Variants in PEAK1 observed in about 807,000 individuals in gnomAD.
The protein encoded by PEAK1 is pseudopodium enriched atypical kinase 1.
In PEAK1, 54 loss-of-function variants were observed where a neutral mutation model predicts 124.7. The ratio of observed to expected loss-of-function variants is 0.43; its 90% CI spans 0.35 to 0.54. The LOEUF is 0.54. Ranked by LOEUF, PEAK1 falls within the 20% of genes least tolerant of loss-of-function variation. PEAK1 has a pLI of 0.01. For synonymous variants in PEAK1, 719 were observed against 760.0 expected, an observed-to-expected ratio of 0.95 and a Z score of 0.89; for missense variants, 2,046 against 2,134.5, an observed-to-expected ratio of 0.96 and a Z score of 0.82.
chr15:77,408,154 T>TATACAC (rs1555504227), intron 1 of PEAK1, among the ~76,000 whole-genome samples: 26,803 of 144,142 alleles, frequency 0.19, 2,874 homozygotes, highest in Middle Eastern at 0.25. Context: ...CATATATACA[T>TATACAC]ACACACACAC....
chr15:77,306,489 T>C (rs552112646), intron 2 of PEAK1, among the ~76,000 whole-genome samples: 203 of 152,286 alleles, frequency 1.3e-3, no homozygotes, highest in African/African-American at 4.6e-3. Flanking sequence ...AGAATTAAAG[T>C]GTATTTCTAG....
At position 77,419,349 on chromosome 15, in the gene PEAK1, G is replaced by A. The variant is rs889746191; in HGVS notation, c.-666+657C>T. The A allele has an allele frequency of 3.0e-6, 3 of 985,162 alleles. No individual in the cohort carries two copies. The South Asian group carries it at 1.4e-4, about 46-fold the overall frequency. The allele number at this position is 985,162 out of a possible 1,614,324, so 61.0% of individuals were successfully genotyped here. ...TTCAGACGGCAAGTCCCCATCGAAGGAGGAAAGAAAAGTTGCAAGAACGGA... is the reference window on the plus strand; with the variant it reads ...TTCAGACGGCAAGTCCCCATCGAAGAAGGAAAGAAAAGTTGCAAGAACGGA... On this transcript the variant is annotated intron_variant, in intron 1 of 9. Transcript: ENST00000682557.
intron 5 of PEAK1, among the ~76,000 whole-genome samples, chr15:77,258,058 G>C (rs1450545267): frequency 1.3e-5 from 2 of 152,158 alleles, no homozygotes; most frequent in African/African-American, 2.4e-5. Flanking sequence ...TGTCATTTCT[G>C]AGGGCTCTGT....
chr15:77,276,502 G>A (rs1490340374), intron 5 of PEAK1, among the ~76,000 whole-genome samples: 1 of 151,902 alleles, frequency 6.6e-6, no homozygotes, highest in Non-Finnish European at 1.5e-5. Context: ...AAAATATCCT[G>A]CAGAAATGAA....
intron 6 of PEAK1, among the ~76,000 whole-genome samples, chr15:77,183,061 C>G (rs1419947659): frequency 6.6e-6 from 1 of 152,104 alleles, no homozygotes; most frequent in Non-Finnish European, 1.5e-5. Flanking sequence ...AGCCCAGAGG[C>G]CAAATGTAGC....
intron 6 of PEAK1, among the ~76,000 whole-genome samples, chr15:77,195,464 G>C (rs2058055363): frequency 6.6e-6 from 1 of 152,200 alleles, no homozygotes; most frequent in South Asian, 2.1e-4. Flanking sequence ...AAGGTAGGAG[G>C]ACAATCAAGA....
chr15:77,392,524 G>A (rs765096057), intron 1 of PEAK1, among the ~76,000 whole-genome samples: 5 of 152,124 alleles, frequency 3.3e-5, no homozygotes, highest in Non-Finnish European at 7.3e-5. Context: ...ATGGCCCAAA[G>A]ATTAATATGC....
intron 6 of PEAK1, among the ~76,000 whole-genome samples, chr15:77,185,907 C>A (rs1346905258): frequency 6.6e-6 from 1 of 152,060 alleles, no homozygotes; most frequent in Non-Finnish European, 1.5e-5. Context: ...ACAAAGGAAT[C>A]GAAGCCTAGA....
chr15:77,133,314 G>T lies in PEAK1; in HGVS notation c.3768C>A (p.Ser1256Arg). The change falls in exon 9 of 10, where the codon AGC becomes AGA. Residue 1256 changes from serine (S) to arginine (R), a missense_variant. Ser to Arg is a moderately radical substitution (Grantham distance 110, BLOSUM62 -1). Coordinates refer to ENST00000682557, the MANE Select transcript of PEAK1 (RefSeq NM_001385026.1). This position sits in a 1 kb window ranked among gnomAD's most constrained non-coding sequence, Gnocchi z 4.2. ...RFSNSMESLS[S>R]RRGPSCRQGR... ...CCTGTCTGCAAGAGGGCCCACGCCG[G>T]CTGGAGAGGGATTCCATGCTGTTGG... The T allele has an allele frequency of 6.2e-7, 1 of 1,614,246 alleles. No individual in the cohort carries two copies. Among genetic ancestry groups the T allele is most frequent in the Non-Finnish European group, 8.5e-7 (1 of 1,180,038 alleles).
intron 6 of PEAK1, among the ~76,000 whole-genome samples, chr15:77,234,820 TA>T (rs556774818): frequency 3.4e-4 from 51 of 152,100 alleles, no homozygotes; most frequent in Non-Finnish European, 6.0e-4. Context: ...AAAATATATA[TA>T]TTTTTTTGAG....
rs753159673 is a variant in PEAK1, at chr15:77,179,262, G to A, written c.2665C>T (p.His889Tyr). 10 of 1,614,020 alleles carry A rather than the reference G, an allele frequency of 6.2e-6. No individual in the cohort carries two copies. Among genetic ancestry groups the A allele is most frequent in the Non-Finnish European group, 6.8e-6 (8 of 1,180,032 alleles). Residue 889 changes from histidine (H) to tyrosine (Y), a missense_variant, in exon 7 of 10, where the codon CAT (histidine) becomes TAT (tyrosine). His to Tyr is a moderately conservative substitution (Grantham distance 83). Transcript: ENST00000682557. ...GTTGGCTTGGTCCAGTTGGTGAAAT[G>A]CCTCTGCAAAAGGTTACCTGCATGG... is the stretch of plus-strand genomic sequence containing the variant. ...PYHAGNLLQR[H>Y]FTNWTKPTSP...
intron 6 of PEAK1, among the ~76,000 whole-genome samples, chr15:77,245,994 TA>T (rs1355110769): frequency 2.0e-5 from 3 of 151,372 alleles, no homozygotes; most frequent in Admixed American, 1.3e-4. Flanking sequence ...TCGACTCCTA[TA>T]AAAAAATACC....
At chr15:77,139,304 C>G (rs1228169607) in intron 8 of PEAK1, among the ~76,000 whole-genome samples, 2 of 152,136 alleles carry the variant, frequency 1.3e-5, no homozygotes, top group Non-Finnish European at 2.9e-5. Flanking sequence ...ATGCCTGAGG[C>G]TGTTTTACAG....
rs1240887483 is a variant in PEAK1 at position 77,112,099 on chromosome 15, A to G, written c.*2057T>C. The G allele has an allele frequency of 6.6e-6, 1 of 152,214 alleles. No homozygotes were observed. Among genetic ancestry groups the G allele is most frequent in the Non-Finnish European group, 1.5e-5 (1 of 68,048 alleles). The allele number at this position is 152,214 out of a possible 1,614,324, so 9.4% of individuals were successfully genotyped here. A position where few individuals can be genotyped will look rare whatever the true frequency, so the allele number is the denominator to read the frequency against. ...GCAGCAGCATGCCCACTCCATGGCC[A>G]TTCCTAGGAGCAGAGCCCTGCACTC... On this transcript the variant is annotated 3_prime_UTR_variant, in exon 10 of 10. Transcript: ENST00000682557.
intron 5 of PEAK1, among the ~76,000 whole-genome samples, chr15:77,275,854 C>T (rs925277706): frequency 2.2e-4 from 34 of 151,664 alleles, no homozygotes; most frequent in South Asian, 2.1e-4. Context: ...ATTACCAACA[C>T]GTTGGAAACA....
chr15:77,196,630 A>G (rs1045894533), intron 6 of PEAK1, among the ~76,000 whole-genome samples: 19 of 152,156 alleles, frequency 1.2e-4, no homozygotes, highest in African/African-American at 4.6e-4. Flanking sequence ...ATGCATGTTA[A>G]CTGGTATACA....
intron 6 of PEAK1, among the ~76,000 whole-genome samples, chr15:77,203,874 G>C (rs2058495225): frequency 6.6e-6 from 1 of 152,122 alleles, no homozygotes; most frequent in African/African-American, 2.4e-5. Flanking sequence ...TTTTAGATTT[G>C]ACACCAAAGG....
intron 2 of PEAK1, among the ~76,000 whole-genome samples, chr15:77,364,060 A>G (rs1332951569): frequency 6.6e-6 from 1 of 151,976 alleles, no homozygotes; most frequent in Non-Finnish European, 1.5e-5. Flanking sequence ...TTAGCCAGGC[A>G]TGGTGGCACA....
intron 2 of PEAK1, among the ~76,000 whole-genome samples, chr15:77,300,873 A>G (rs1567230078): frequency 6.6e-6 from 1 of 151,804 alleles, no homozygotes; most frequent in Admixed American, 6.6e-5. Context: ...TTATTTTGAG[A>G]TGGAGTCTCC....
Sources: gnomAD v4.1 joint callset for allele counts (sites outside exome capture counted in the v4.1 genomes callset) on GRCh38, gnomAD v4.1.1 for gene constraint, Gnocchi (gnomAD v3.1) non-coding constraint, MANE v1.5 for transcripts, NCBI Gene and HGNC (gene_info 2026-07-23, HGNC 2026-07-21) for gene names.